The following PDE2A variants were observed in gnomAD, a reference collection of about 807,000 sequenced individuals.
PDE2A encodes phosphodiesterase 2A, also known as cGMP-dependent 3',5'-cyclic phosphodiesterase.
In PDE2A, 53 loss-of-function variants were observed where a neutral mutation model predicts 133.6. The ratio of observed to expected loss-of-function variants is 0.40; its 90% confidence interval spans 0.32 to 0.50. The LOEUF (loss-of-function observed/expected upper bound fraction) is 0.50. Ranked by LOEUF, PDE2A falls within the 20% of genes least tolerant of loss-of-function variation. PDE2A has a pLI of 0.73. For missense variants in PDE2A, 796 were observed against 1,232.4 expected, an observed-to-expected ratio of 0.65 and a Z score of 5.30; for synonymous variants, 491 against 490.2, an observed-to-expected ratio of 1.00 and a Z score of -0.02.
chr11:72,627,092 C>T (rs1391898500), intron 2 of PDE2A, among the ~76,000 whole-genome samples: 3 of 152,168 alleles, frequency 2.0e-5, no homozygotes, highest in African/African-American at 7.2e-5. Flanking sequence ...TCTCCAAGAC[C>T]GCCCAACCCA....
At chr11:72,611,158 A>G (rs879841525) in intron 2 of PDE2A, among the ~76,000 whole-genome samples, 4 of 152,174 alleles carry the variant, frequency 2.6e-5, no homozygotes, top group Non-Finnish European at 4.4e-5. Flanking sequence ...CTTGGGGAAG[A>G]GAGACCCAGG....
At chr11:72,641,615 G>C (rs1858954920) in intron 2 of PDE2A, among the ~76,000 whole-genome samples, 1 of 152,202 alleles carries the variant, frequency 6.6e-6, no homozygotes, top group Non-Finnish European at 1.5e-5. Context: ...CAAGAGGAGG[G>C]GCCCCCCACG....
chr11:72,609,190 A>C (rs1857099419), intron 2 of PDE2A, among the ~76,000 whole-genome samples: 1 of 152,242 alleles, frequency 6.6e-6, no homozygotes, highest in African/African-American at 2.4e-5. Context: ...ACTGAGCCTC[A>C]GTCTCCTATC....
chr11:72,634,783 A>AC (rs1379114773), intron 2 of PDE2A, among the ~76,000 whole-genome samples: 1 of 152,048 alleles, frequency 6.6e-6, no homozygotes, highest in Admixed American at 6.6e-5. Flanking sequence ...CCTTTCCTTG[A>AC]CCCCTTCTCA....
chr11:72,588,555 C>T (rs190569378), intron 13 of PDE2A, among the ~76,000 whole-genome samples: 1 of 152,274 alleles, frequency 6.6e-6, no homozygotes, highest in East Asian at 1.9e-4. Flanking sequence ...GGGAGGGAAC[C>T]CAATACCCCA....
chr11:72,639,883 A>G (rs942742858), intron 2 of PDE2A, among the ~76,000 whole-genome samples: 1 of 152,124 alleles, frequency 6.6e-6, no homozygotes, highest in Non-Finnish European at 1.5e-5. Context: ...GCCCTTTTGC[A>G]CACATGCGTC....
At chr11:72,613,489 C>G (rs1386047243) in intron 2 of PDE2A, among the ~76,000 whole-genome samples, 2 of 151,824 alleles carry the variant, frequency 1.3e-5, no homozygotes, top group Non-Finnish European at 2.9e-5. Context: ...GGGTGGACCT[C>G]CCTGCCTTCC....
At chr11:72,657,753 G>A (rs1591136194) in intron 1 of PDE2A, 1 of 453,296 alleles carries the variant, frequency 2.2e-6, no homozygotes, top group Non-Finnish European at 4.4e-6. Context: ...AGCAGGGATT[G>A]AACTCCATCA....
At chr11:72,588,960 G>C (rs773083274) in intron 12 of PDE2A, 46 bp from the exon 13 acceptor site, 16 of 1,569,122 alleles carry the variant, frequency 1.0e-5, no homozygotes, top group Non-Finnish European at 1.4e-5. Flanking sequence ...GGCGCAGTAT[G>C]CTTCCCTCCT....
intron 2 of PDE2A, among the ~76,000 whole-genome samples, chr11:72,631,843 C>A (rs1858402636): frequency 6.6e-6 from 1 of 152,252 alleles, no homozygotes; most frequent in Non-Finnish European, 1.5e-5. Flanking sequence ...CTGAGGGGCA[C>A]TGCCCAGGGC....
At chr11:72,615,017 A>G (rs765196912) in intron 2 of PDE2A, 1 of 176,658 alleles carries the variant, frequency 5.7e-6, no homozygotes, top group Non-Finnish European at 1.3e-5. Flanking sequence ...CCATGCCCCC[A>G]TCCCTCCACC....
chr11:72,650,690 G>T (rs1854712666), intron 1 of PDE2A, among the ~76,000 whole-genome samples: 1 of 152,114 alleles, frequency 6.6e-6, no homozygotes, highest in Non-Finnish European at 1.5e-5. Context: ...AGCAGGCTGG[G>T]TAGGGGACGA....
chr11:72,589,008 G>C (rs1311620923), intron 12 of PDE2A, 94 bp from the exon 13 acceptor site: 3 of 1,391,792 alleles, frequency 2.2e-6, no homozygotes, highest in South Asian at 2.5e-5. Flanking sequence ...GCAGTTCTAA[G>C]GGACTCATGC....
intron 1 of PDE2A, chr11:72,668,938 C>T (rs1301779274): frequency 9.9e-7 from 1 of 1,010,322 alleles, no homozygotes; most frequent in African/African-American, 1.7e-5. Flanking sequence ...CTGGTCTCTC[C>T]CTCTCCAGGC....
chr11:72,626,522 G>A (rs1329225971), intron 2 of PDE2A, among the ~76,000 whole-genome samples: 1 of 152,220 alleles, frequency 6.6e-6, no homozygotes, highest in African/African-American at 2.4e-5. Flanking sequence ...GCACTCACTT[G>A]AGAATGTTAG....
chr11:72,673,812 C>T (rs1855439704), intron 1 of PDE2A, among the ~76,000 whole-genome samples: 1 of 152,076 alleles, frequency 6.6e-6, no homozygotes, highest in Non-Finnish European at 1.5e-5. Context: ...GGCAGACCTC[C>T]CCCTCCCCAC....
At chr11:72,670,634 C>T (rs912561370) in intron 1 of PDE2A, among the ~76,000 whole-genome samples, 15 of 152,300 alleles carry the variant, frequency 9.8e-5, no homozygotes, top group Non-Finnish European at 1.3e-4. Context: ...AGGGCCTGCA[C>T]CCATCTCAGA....
intron 4 of PDE2A, chr11:72,598,768 G>T (rs1856600293): frequency 1.0e-6 from 1 of 985,380 alleles, no homozygotes; most frequent in Non-Finnish European, 1.2e-6. Context: ...TGAGCATCTC[G>T]TTCAAGCTCA....
At position 72,578,931 on chromosome 11, in the gene PDE2A, T is replaced by C; in HGVS notation, c.2435A>G (p.Gln812Arg). 1 of 1,613,692 alleles carries C rather than the reference T, an allele frequency of 6.2e-7. No individual in the cohort carries two copies. Among genetic ancestry groups the C allele is most frequent in the Non-Finnish European group, 8.5e-7 (1 of 1,179,558 alleles). Residue 812 changes from glutamine (Q) to arginine (R), a missense_variant, in exon 28 of 31, where the codon CAG becomes CGG. Gln to Arg is a conservative substitution (Grantham distance 43). Around this residue, in one of 7 missense-constraint regions of PDE2A, gnomAD observed 28 missense variants for 86.0 expected, o/e 0.33. Coordinates refer to ENST00000334456, the MANE Select transcript of PDE2A (RefSeq NM_002599.5). This position sits in a 1 kb window ranked among gnomAD's most constrained non-coding sequence, Gnocchi z 4.2. Reference sequence around the variant, plus strand: ...TCTCGTAGTCTTCCAGCCCTTGGTCTGGTCAGAGAGGTCACAGGAGGTCAT... The same window carrying C: ...TCTCGTAGTCTTCCAGCCCTTGGTCCGGTCAGAGAGGTCACAGGAGGTCAT... ...LLMTSCDLSD[Q>R]TKGWKTTRKI...
Sources: gnomAD v4.1 joint callset for allele counts (sites outside exome capture counted in the v4.1 genomes callset) on GRCh38, gnomAD v4.1.1 for gene constraint, gnomAD v4.1.1 regional missense constraint, Gnocchi (gnomAD v3.1) non-coding constraint, MANE v1.5 for transcripts, NCBI Gene and HGNC (gene_info 2026-07-23, HGNC 2026-07-21) for gene names.